Variants in KPNA6 observed in about 807,000 individuals in gnomAD.
The protein encoded by KPNA6 is karyopherin subunit alpha 6, also known as importin subunit alpha-7.
A neutral mutation model predicts 72.0 loss-of-function variants in KPNA6; 9 were observed. The ratio of observed to expected loss-of-function variants is 0.13; its 90% confidence interval spans 0.08 to 0.22. The LOEUF (loss-of-function observed/expected upper bound fraction) is 0.22. Among genes scored for constraint, KPNA6 ranks in the 10% least tolerant of loss-of-function variants. KPNA6 has a pLI of 1.00. For missense variants in KPNA6, 374 were observed against 655.7 expected, an observed-to-expected ratio of 0.57 and a Z score of 4.69; for synonymous variants, 219 against 242.1, an observed-to-expected ratio of 0.90 and a Z score of 0.89.
rs757029281 is a variant in KPNA6 at position 32,158,381 on chromosome 1, GGTTT to G, written c.426+25_426+28del. 1.3e-6 allele frequency: 2 copies of G among 1,521,812 alleles called. No individual in the cohort carries two copies. The allele number at this position is 1,521,812 out of a possible 1,614,324, so 94.3% of individuals were successfully genotyped here. A position where few individuals can be genotyped will look rare whatever the true frequency, so the allele number is the denominator to read the frequency against. ...TTACAGGTGAGGCCTGAAGGGAAGG[GGTTT>G]GTTTTGTCTTTTAATTTTTGGGGGA... On this transcript the variant is annotated intron_variant, in intron 5 of 13. Transcript: ENST00000373625.
At position 32,115,775 on chromosome 1, in the gene KPNA6, T is replaced by G. The variant is rs555609543; in HGVS notation, c.4+7641T>G. ...AACCCTTTCTTTTTGAGACGGAGTC[T>G]CACTGTCGCCCAGGCTGGAGTGCAG... On this transcript the variant is annotated intron_variant, in intron 1 of 13. Coordinates refer to ENST00000373625, the MANE Select transcript of KPNA6 (RefSeq NM_012316.5). 2.6e-5 allele frequency among the ~76,000 whole-genome samples: 4 copies of G among 152,108 alleles called. No individual in the cohort carries two copies. In the South Asian group the frequency reaches 8.3e-4, roughly 32 times the overall value.
At chr1:32,131,772 C>T (rs924531501) in intron 1 of KPNA6, among the ~76,000 whole-genome samples, 5 of 151,138 alleles carry the variant, frequency 3.3e-5, no homozygotes, top group African/African-American at 9.7e-5. Flanking sequence ...ATAATTCCAG[C>T]ACTTTGGGAG....
chr1:32,156,825 C>G (rs758192554), intron 2 of KPNA6, 28 bp from the exon 3 acceptor site: 3 of 1,547,408 alleles, frequency 1.9e-6, no homozygotes, highest in Non-Finnish European at 2.7e-6. Context: ...TCAGAGAGTA[C>G]TCTTAACCAC....
At chr1:32,155,110 C>CAAA (rs144040035) in intron 2 of KPNA6, among the ~76,000 whole-genome samples, 18 of 54,232 alleles carry the variant, frequency 3.3e-4, no homozygotes, top group East Asian at 1.2e-3. Context: ...AACTCCATCT[C>CAAA]AAAAAAAAAA....
At chr1:32,159,282 A>G (rs1642196450) in intron 5 of KPNA6, 118 bp from the exon 6 acceptor site, 2 of 1,009,180 alleles carry the variant, frequency 2.0e-6, no homozygotes, top group East Asian at 4.9e-5. Flanking sequence ...GTGTTTTGTG[A>G]GGTTTTGTTT....
rs1345046200 is a variant in KPNA6, at chr1:32,167,440, C to T, written c.1244+144C>T. On this transcript the variant is annotated intron_variant, in intron 12 of 13. Coordinates refer to ENST00000373625, the MANE Select transcript of KPNA6 (RefSeq NM_012316.5). ...GTAATAGAATTTTACTGGTAAACTG[C>T]TACAGTGTCACTAGAATCTGGAATA... 10 of 812,022 alleles carry T rather than the reference C, an allele frequency of 1.2e-5. No homozygotes were observed. The East Asian group carries it at 2.6e-4, about 21-fold the overall frequency. The allele number at this position is 812,022 out of a possible 1,614,324, so 50.3% of individuals were successfully genotyped here.
At chr1:32,155,672 C>T (rs574750293) in intron 2 of KPNA6, among the ~76,000 whole-genome samples, 1 of 151,682 alleles carries the variant, frequency 6.6e-6, no homozygotes, top group African/African-American at 2.4e-5. Context: ...TCCTACGCCA[C>T]CCCGCCAACA....
intron 2 of KPNA6, among the ~76,000 whole-genome samples, chr1:32,155,962 GCC>G (rs1248551948): frequency 2.1e-5 from 2 of 96,066 alleles, no homozygotes; most frequent in Admixed American, 1.6e-4. Flanking sequence ...TTGCCATGTT[GCC>G]CAGGCTGGTC....
intron 1 of KPNA6, among the ~76,000 whole-genome samples, chr1:32,123,417 A>G (rs1641473620): frequency 6.6e-6 from 1 of 152,044 alleles, no homozygotes; most frequent in African/African-American, 2.4e-5. Context: ...TAAGTGTACA[A>G]TTTAGTTTTT....
intron 1 of KPNA6, among the ~76,000 whole-genome samples, chr1:32,153,249 C>A (rs1642068716): frequency 6.6e-6 from 1 of 151,778 alleles, no homozygotes; most frequent in South Asian, 2.1e-4. Flanking sequence ...AGAAAGTACA[C>A]AGTCACAGAT....
chr1:32,144,069 T>A (rs926280414), intron 1 of KPNA6, among the ~76,000 whole-genome samples: 3 of 152,214 alleles, frequency 2.0e-5, no homozygotes, highest in African/African-American at 7.2e-5. Flanking sequence ...CATACGTACC[T>A]ATGATGAAGT....
chr1:32,124,176 C>T (rs1164100024), intron 1 of KPNA6, among the ~76,000 whole-genome samples: 10 of 151,660 alleles, frequency 6.6e-5, no homozygotes, highest in East Asian at 1.9e-4. Context: ...AGTTTGAGAC[C>T]GGCCTGAGCA....
At chr1:32,168,527 G>C (rs1243215655) in intron 12 of KPNA6, among the ~76,000 whole-genome samples, 2 of 152,198 alleles carry the variant, frequency 1.3e-5, no homozygotes, top group African/African-American at 2.4e-5. Flanking sequence ...GAACATTAGT[G>C]GAAAGTGGTG....
intron 10 of KPNA6, among the ~76,000 whole-genome samples, chr1:32,164,887 A>AT (rs1642304382): frequency 6.6e-6 from 1 of 151,734 alleles, no homozygotes; most frequent in African/African-American, 2.4e-5. Context: ...TAAAAAAAAA[A>AT]CTTTTAACTT....
intron 6 of KPNA6, 101 bp from the exon 7 acceptor site, chr1:32,160,514 T>C (rs1642218957): frequency 1.2e-6 from 1 of 857,374 alleles, no homozygotes; most frequent in African/African-American, 1.7e-5. Context: ...GGCCTTGACA[T>C]CATTCTCATC....
At chr1:32,138,441 G>T (rs1386390531) in intron 1 of KPNA6, among the ~76,000 whole-genome samples, 2 of 151,780 alleles carry the variant, frequency 1.3e-5, no homozygotes, top group African/African-American at 2.4e-5. Flanking sequence ...TACTTGGGAG[G>T]CTGAGGCAGG....
At chr1:32,120,985 TCCTGCCTCAGCCTCC>T (rs1641424310) in intron 1 of KPNA6, among the ~76,000 whole-genome samples, 1 of 151,816 alleles carries the variant, frequency 6.6e-6, no homozygotes, top group Non-Finnish European at 1.5e-5. Flanking sequence ...CAAGCGACTC[TCCTGCCTCAGCCTCC>T]TGAGTAACTG....
At chr1:32,163,667 T>C (rs1642282298) in intron 10 of KPNA6, among the ~76,000 whole-genome samples, 1 of 152,246 alleles carries the variant, frequency 6.6e-6, no homozygotes, top group African/African-American at 2.4e-5. Flanking sequence ...CCCTGCTTCC[T>C]AGATCTTTAA....
At chr1:32,129,589 T>G (rs1192279566) in intron 1 of KPNA6, among the ~76,000 whole-genome samples, 2 of 152,124 alleles carry the variant, frequency 1.3e-5, no homozygotes, top group Admixed American at 1.3e-4. Flanking sequence ...AGGGTCTCGC[T>G]CTGTCACCCA....
Sources: gnomAD v4.1 joint callset for allele counts (sites outside exome capture counted in the v4.1 genomes callset) on GRCh38, gnomAD v4.1.1 for gene constraint, MANE v1.5 for transcripts, NCBI Gene and HGNC (gene_info 2026-07-23, HGNC 2026-07-21) for gene names.